Variants in SVEP1 observed in about 807,000 individuals in gnomAD.
SVEP1 encodes the protein sushi, von Willebrand factor type A, EGF and pentraxin domain containing 1, also known as sushi, von Willebrand factor type A, EGF and pentraxin domain-containing protein 1.
A neutral mutation model predicts 367.3 loss-of-function variants in SVEP1; 164 were observed. The observed-to-expected ratio is 0.45, with a 90% CI of 0.39 to 0.51. The LOEUF is 0.51. Ranked by LOEUF, SVEP1 falls within the 20% of genes least tolerant of loss-of-function variation. The probability of loss-of-function intolerance (pLI) is 0.00; values close to 1 mark genes in which losing one functional copy is unlikely to be tolerated. For synonymous variants in SVEP1, 1,666 were observed against 1,611.6 expected, an observed-to-expected ratio of 1.03 and a Z score of -0.81; for missense variants, 4,117 against 4,425.3, an observed-to-expected ratio of 0.93 and a Z score of 1.98.
intron 1 of SVEP1, among the ~76,000 whole-genome samples, chr9:110,577,850 G>A (rs1234923506): frequency 2.0e-5 from 3 of 152,118 alleles, no homozygotes; most frequent in East Asian, 3.8e-4. Flanking sequence ...TCCAGTAGAT[G>A]TACTGGAAAA....
At chr9:110,454,207 G>A (rs1207256765) in intron 22 of SVEP1, among the ~76,000 whole-genome samples, 2 of 152,042 alleles carry the variant, frequency 1.3e-5, no homozygotes, top group Non-Finnish European at 2.9e-5. Flanking sequence ...GAAGCTCTTC[G>A]ATTTAATTAG....
chr9:110,371,682 T>C (rs1827278351), intron 46 of SVEP1, among the ~76,000 whole-genome samples: 1 of 152,166 alleles, frequency 6.6e-6, no homozygotes, highest in African/African-American at 2.4e-5. Flanking sequence ...CACCTTCCAC[T>C]CCAGTGCCCA....
At chr9:110,491,791 A>G (rs1485051957) in intron 8 of SVEP1, among the ~76,000 whole-genome samples, 1 of 152,072 alleles carries the variant, frequency 6.6e-6, no homozygotes, top group Non-Finnish European at 1.5e-5. Flanking sequence ...TAACTTACGA[A>G]TCATCAGTGT....
intron 17 of SVEP1, among the ~76,000 whole-genome samples, chr9:110,467,760 T>G (rs1256818607): frequency 6.6e-6 from 1 of 151,808 alleles, no homozygotes; most frequent in Non-Finnish European, 1.5e-5. Context: ...CTCATTCTCC[T>G]GAGTAACTGG....
intron 1 of SVEP1, among the ~76,000 whole-genome samples, chr9:110,566,375 A>C (rs910639701): frequency 1.3e-5 from 2 of 150,948 alleles, no homozygotes; most frequent in Admixed American, 6.6e-5. Flanking sequence ...AATAAATAAT[A>C]ACCTAAGTAA....
Position 110,407,004 on chromosome 9 carries a change from C to T in SVEP1, c.8596G>A (p.Glu2866Lys). ...AGACAAACCCGACTCCTGGCTCCCTCAAGCAAGAACCCTTCATTGCAAGTG... is the reference window on the plus strand; with the variant it reads ...AGACAAACCCGACTCCTGGCTCCCTTAAGCAAGAACCCTTCATTGCAAGTG... ...EYTCNEGFLLEGARSRVCLAN... is the reference protein window; with the variant it reads ...EYTCNEGFLLKGARSRVCLAN... The change falls in exon 38 of 48, where the codon GAG (glutamate) becomes AAG (lysine). Residue 2866 changes from glutamate to lysine, a missense_variant. This residue lies in a region of SVEP1 where 1,765 missense variants were observed against 1,781.1 expected (regional missense o/e 0.99). Coordinates refer to ENST00000374469, the MANE Select transcript of SVEP1 (RefSeq NM_153366.4). The T allele has an allele frequency of 6.2e-7, 1 of 1,614,002 alleles. No individual in the cohort carries two copies. The highest frequency in any genetic ancestry group is 8.5e-7 in the Non-Finnish European group (1 of 1,179,884).
rs1464925889 is a variant in SVEP1, at chr9:110,462,096, G to C, written c.3323-2983C>G. Among the ~76,000 whole-genome samples the C allele has an allele frequency of 2.6e-5, 4 of 152,102 alleles. No individual in the cohort carries two copies. The South Asian group carries it at 8.3e-4, about 32-fold the overall frequency. ...TATCTCTGAGTATGTATGAAATGCT[G>C]AAAAGATAAATTCCATCAGTAAAAC... On this transcript the variant is annotated intron_variant, in intron 18 of 47. Transcript: ENST00000374469.
At chr9:110,549,200 T>C (rs1474707405) in intron 2 of SVEP1, among the ~76,000 whole-genome samples, 1 of 152,138 alleles carries the variant, frequency 6.6e-6, no homozygotes, top group Non-Finnish European at 1.5e-5. Context: ...TATATTCTGA[T>C]AGGAAGTTTA....
chr9:110,410,428 C>T (rs1489297787), intron 37 of SVEP1, among the ~76,000 whole-genome samples: 2 of 152,120 alleles, frequency 1.3e-5, no homozygotes, highest in Admixed American at 1.3e-4. Context: ...ATTTGGTTTA[C>T]CCTATCTTTT....
At chr9:110,571,217 C>T (rs1830558992) in intron 1 of SVEP1, among the ~76,000 whole-genome samples, 1 of 152,102 alleles carries the variant, frequency 6.6e-6, no homozygotes, top group Admixed American at 6.5e-5. Context: ...GATCCACCTG[C>T]CTCAGCCTCC....
intron 24 of SVEP1, 139 bp downstream of exon 24, chr9:110,449,920 A>AT (rs1240073621): frequency 9.1e-6 from 9 of 989,096 alleles, no homozygotes; most frequent in Middle Eastern, 2.4e-4. Context: ...CGGTGGGAAT[A>AT]TTCAGCTGTA....
chr9:110,451,566 A>G (rs1828693714), intron 22 of SVEP1, among the ~76,000 whole-genome samples, 164 bp from the exon 23 acceptor site: 1 of 152,220 alleles, frequency 6.6e-6, no homozygotes, highest in African/African-American at 2.4e-5. Context: ...TATTCTGTGA[A>G]CTGCAAAATT....
Position 110,463,992 on chromosome 9 carries a change from A to G in SVEP1, c.3322+1873T>C, listed in dbSNP as rs974329044. On this transcript the variant is annotated intron_variant, in intron 18 of 47. Transcript: ENST00000374469. Reference sequence around the variant, plus strand: ...GAATTATAACTCCTTAATTATAATAATTTAGTATTAGACAAACCTCAAGGT... The same window carrying G: ...GAATTATAACTCCTTAATTATAATAGTTTAGTATTAGACAAACCTCAAGGT... Among the ~76,000 whole-genome samples, 4 of 152,148 alleles carry G rather than the reference A, an allele frequency of 2.6e-5. No individual in the cohort carries two copies. The South Asian group carries it at 8.3e-4, about 31-fold the overall frequency.
intron 32 of SVEP1, among the ~76,000 whole-genome samples, chr9:110,430,866 C>T (rs1828340448): frequency 6.6e-6 from 1 of 152,128 alleles, no homozygotes; most frequent in Non-Finnish European, 1.5e-5. Flanking sequence ...AGTTTCCAGC[C>T]TCCCTTCCCA....
At chr9:110,401,769 A>T (rs1007023156) in intron 39 of SVEP1, among the ~76,000 whole-genome samples, 3 of 151,972 alleles carry the variant, frequency 2.0e-5, no homozygotes, top group African/African-American at 7.2e-5. Flanking sequence ...ATTAAATGCA[A>T]CAAATATACT....
At chr9:110,481,127 T>A (rs1829180177) in intron 12 of SVEP1, 115 bp downstream of exon 12, 1 of 741,590 alleles carries the variant, frequency 1.3e-6, no homozygotes, top group South Asian at 4.2e-5. Context: ...ACATTTCAAA[T>A]TCATGGCACC....
At chr9:110,524,699 A>ATATTATTAT (rs143284905) in intron 3 of SVEP1, among the ~76,000 whole-genome samples, 65 of 150,352 alleles carry the variant, frequency 4.3e-4, no homozygotes, top group East Asian at 3.2e-3. Flanking sequence ...AATCATACAA[A>ATATTATTAT]TGTTATTATT....
intron 16 of SVEP1, among the ~76,000 whole-genome samples, chr9:110,470,611 T>G (rs2118666945): frequency 6.6e-6 from 1 of 151,970 alleles, no homozygotes; most frequent in South Asian, 2.1e-4. Context: ...TTTTGGGGTA[T>G]TTTTTGTAGA....
chr9:110,379,800 T>G (rs1180376387), intron 43 of SVEP1, among the ~76,000 whole-genome samples: 1 of 152,196 alleles, frequency 6.6e-6, no homozygotes, highest in Non-Finnish European at 1.5e-5. Flanking sequence ...TTAGCTCTTG[T>G]ACCTCATCAA....
Sources: allele counts gnomAD v4.1 joint callset (sites outside exome capture counted in the v4.1 genomes callset), GRCh38; gene constraint gnomAD v4.1.1; regional missense constraint gnomAD v4.1.1; transcripts MANE v1.5; gene names NCBI Gene and HGNC (gene_info 2026-07-23, HGNC 2026-07-21).